IL31RA: variants seen among roughly 807,000 people sequenced by gnomAD.
IL31RA encodes the protein interleukin 31 receptor A.
Under a neutral mutation model 83.7 loss-of-function variants are expected in IL31RA, and 66 were observed. The observed-to-expected ratio is 0.79, with a 90% CI of 0.65 to 0.97. The LOEUF is 0.97. Ranked by LOEUF, IL31RA falls within the 50% of genes least tolerant of loss-of-function variation. The pLI is 0.00. For synonymous variants in IL31RA, 325 were observed against 329.0 expected (o/e 0.99, Z 0.13); for missense variants, 798 against 919.4 (o/e 0.87, Z 1.71).
rs35481013 is a variant in IL31RA at position 55,886,268 on chromosome 5, C to CTTTTTTTT, written c.606+3089_606+3096dup. Among the ~76,000 whole-genome samples, 106 of 71,504 alleles carry CTTTTTTTT rather than the reference C, an allele frequency of 1.5e-3. 5 individuals carry two copies. Among genetic ancestry groups the CTTTTTTTT allele is most frequent in the Middle Eastern group, 0.01 (1 of 100 alleles). 46.9% of individuals were successfully genotyped at this position (71,504 alleles called of 152,430 possible). ...GCTAGCTTGCTTGCTTGCTTGCTTG[C>CTTTTTTTT]TTTTTTTTTTTTTTTTTTTTTTTGA... On this transcript the variant is annotated intron_variant, in intron 5 of 14. Transcript: ENST00000652347.
At chr5:55,849,409 A>G (rs765050459), upstream of IL31RA, among the ~76,000 whole-genome samples, 13 of 152,222 alleles carry the variant, frequency 8.5e-5, no homozygotes, top group Non-Finnish European at 1.9e-4. Flanking sequence ...TTCTTTCAAT[A>G]TAGTTATAAC....
intron 13 of IL31RA, 64 bp downstream of exon 13, chr5:55,913,634 T>C: frequency 5.9e-6 from 6 of 1,017,864 alleles, no homozygotes; most frequent in South Asian, 2.5e-5. Context: ...GAAGTCATCA[T>C]AGGTGCTTCG....
chr5:55,842,803 G>A, the IL31RA span, among the ~76,000 whole-genome samples: 1 of 152,166 alleles, frequency 6.6e-6, no homozygotes, highest in South Asian at 2.1e-4. Context: ...TTGTGGAATT[G>A]CGTTGAAAGT....
intron 6 of IL31RA, among the ~76,000 whole-genome samples, chr5:55,895,242 G>A (rs161650): frequency 0.63 from 95,776 of 152,060 alleles, 31,669 homozygotes; most frequent in African/African-American, 0.84. Flanking sequence ...ATCGTGGGCC[G>A]CTAGCCGTCT....
chr5:55,851,399 C>A lies in IL31RA; in HGVS notation c.-172C>A. 8.7e-7 allele frequency: 1 copy of A among 1,153,520 alleles called. No homozygotes were observed. The highest frequency in any genetic ancestry group is 1.2e-6 in the Non-Finnish European group (1 of 803,942). 71.5% of individuals were successfully genotyped at this position (1,153,520 alleles called of 1,614,324 possible). A position where few individuals can be genotyped will look rare whatever the true frequency, so the allele number is the denominator to read the frequency against. ...AGGAACACCAGACAGCACTCCAGCA[C>A]TCTGCTTGGGGGGCATTCGAAACAG... On this transcript the variant is annotated 5_prime_UTR_variant, in exon 1 of 15. Transcript: ENST00000652347.
At chr5:55,892,545 G>A (rs1748066257) in intron 6 of IL31RA, among the ~76,000 whole-genome samples, 1 of 152,222 alleles carries the variant, frequency 6.6e-6, no homozygotes, top group Non-Finnish European at 1.5e-5. Context: ...TGAATTTTGT[G>A]TTCCCCACTG....
At chr5:55,859,644 CCTT>C in intron 2 of IL31RA, 45 bp downstream of exon 2, 1 of 1,296,816 alleles carries the variant, frequency 7.7e-7, no homozygotes, top group Middle Eastern at 1.8e-4. Flanking sequence ...ATTATTATTG[CCTT>C]CTTTGGACAA....
chr5:55,917,139 A>AC lies in IL31RA; in HGVS notation c.*22dup. 1 of 1,613,790 alleles carries AC rather than the reference A, an allele frequency of 6.2e-7. No individual in the cohort carries two copies. Among genetic ancestry groups the AC allele is most frequent in the Non-Finnish European group, 8.5e-7 (1 of 1,180,010 alleles). On this transcript the variant is annotated 3_prime_UTR_variant, in exon 15 of 15. Transcript: ENST00000652347. ...AGTCTAAATGCGACCATAGCATGAG[A>AC]CCCTCGGGGCCTCAGTGTGGATGGC...
intron 13 of IL31RA, among the ~76,000 whole-genome samples, chr5:55,914,297 G>A (rs1273378240): frequency 6.6e-6 from 1 of 152,132 alleles, no homozygotes; most frequent in Admixed American, 6.5e-5. Context: ...ATAGATTCTT[G>A]TACATTATGC....
At chr5:55,879,014 A>T (rs564634484) in intron 4 of IL31RA, among the ~76,000 whole-genome samples, 12 of 152,192 alleles carry the variant, frequency 7.9e-5, no homozygotes, top group African/African-American at 2.9e-4. Context: ...TTATGATTTT[A>T]TATAATTTAT....
upstream of IL31RA, among the ~76,000 whole-genome samples, chr5:55,847,247 AT>A (rs1386427154): frequency 1.1e-4 from 5 of 43,796 alleles, no homozygotes; most frequent in African/African-American, 2.2e-4. Flanking sequence ...AAAAATAAAA[AT>A]AAATAAATAA....
Position 55,898,042 on chromosome 5 carries a change from T to C in IL31RA, c.852+1613T>C, listed in dbSNP as rs894453146. 2.0e-5 allele frequency among the ~76,000 whole-genome samples: 3 copies of C among 152,324 alleles called. No homozygotes were observed. The East Asian group carries it at 5.8e-4, about 29-fold the overall frequency. On this transcript the variant is annotated intron_variant, in intron 7 of 14. Transcript: ENST00000652347. ...ACTCCCTGGGTTGCGGAGGCGGTGC[T>C]GCCGCCGCATGGGACAACAGCCAGA...
At chr5:55,890,342 T>C (rs1033478281) in intron 6 of IL31RA, among the ~76,000 whole-genome samples, 1 of 152,188 alleles carries the variant, frequency 6.6e-6, no homozygotes, top group African/African-American at 2.4e-5. Context: ...TCTTATACTA[T>C]ACATGAAAGG....
intron 4 of IL31RA, among the ~76,000 whole-genome samples, chr5:55,872,846 TA>T (rs5868001): frequency 0.63 from 94,839 of 151,498 alleles, 31,216 homozygotes; most frequent in African/African-American, 0.84. Context: ...ACTTCTGACT[TA>T]AAAAAAAATC....
intron 1 of IL31RA, among the ~76,000 whole-genome samples, chr5:55,856,944 C>G (rs1580646767): frequency 6.6e-6 from 1 of 152,160 alleles, no homozygotes; most frequent in Admixed American, 6.5e-5. Flanking sequence ...CCAAATCCAA[C>G]TCTTTGAGAT....
At chr5:55,864,919 C>T (rs1410889097) in intron 2 of IL31RA, among the ~76,000 whole-genome samples, 2 of 152,160 alleles carry the variant, frequency 1.3e-5, no homozygotes, top group African/African-American at 4.8e-5. Context: ...CCCATACACA[C>T]ACATGCACTG....
chr5:55,919,178 C>T lies in IL31RA; in HGVS notation c.*2058C>T, dbSNP rs556144449. Among the ~76,000 whole-genome samples, 5 of 152,270 alleles carry T rather than the reference C, an allele frequency of 3.3e-5. No individual in the cohort carries two copies. The highest frequency in any genetic ancestry group is 1.3e-4 in the Admixed American group (2 of 15,304). On this transcript the variant is annotated 3_prime_UTR_variant, in exon 15 of 15. Transcript: ENST00000652347. ...CTTGGCCCGAGGATGGGGGAGGGCA[C>T]GGGTACCCCCACAGCTGTTCTTTCA...
intron 8 of IL31RA, among the ~76,000 whole-genome samples, chr5:55,905,420 C>A (rs901391880): frequency 6.6e-6 from 1 of 152,120 alleles, no homozygotes; most frequent in East Asian, 1.9e-4. Flanking sequence ...TCAGTAAGAT[C>A]TCTGTCTGAT....
chr5:55,859,785 T>A (rs1225223498), intron 2 of IL31RA, among the ~76,000 whole-genome samples, 186 bp downstream of exon 2: 1 of 152,200 alleles, frequency 6.6e-6, no homozygotes, highest in Non-Finnish European at 1.5e-5. Context: ...CATATACTCA[T>A]GCATGTGCAA....
Sources: allele counts gnomAD v4.1 joint callset (sites outside exome capture counted in the v4.1 genomes callset), GRCh38; gene constraint gnomAD v4.1.1; transcripts MANE v1.5; gene names NCBI Gene and HGNC (gene_info 2026-07-23, HGNC 2026-07-21).